The following METTL15 variants were observed in gnomAD, a reference collection of about 807,000 sequenced individuals.
The protein encoded by METTL15 is 12S rRNA N(4)-cytidine methyltransferase METTL15.
In METTL15, 34 loss-of-function variants were observed where a neutral mutation model predicts 38.3. That is an observed-to-expected ratio of 0.89 (90% CI 0.68 to 1.18). The LOEUF is 1.18. METTL15 is among the 50% of genes most tolerant of loss of function. The pLI, the probability that METTL15 is intolerant of heterozygous loss-of-function variation, is 0.00. For synonymous variants in METTL15, 162 were observed against 170.9 expected, an observed-to-expected ratio of 0.95 and a Z score of 0.41; for missense variants, 438 against 498.4, an observed-to-expected ratio of 0.88 and a Z score of 1.15.
chr11:28,140,101 G>T (rs1265821237), intron 3 of METTL15, among the ~76,000 whole-genome samples: 2 of 152,200 alleles, frequency 1.3e-5, no homozygotes, highest in Non-Finnish European at 2.9e-5. Context: ...GCCTCCGCTT[G>T]CCTTTCTGTT....
At chr11:28,351,109 T>A (rs1850037096) in intron 3 of METTL15, among the ~76,000 whole-genome samples, 1 of 17,882 alleles carries the variant, frequency 5.6e-5, no homozygotes, top group Non-Finnish European at 1.0e-4. Context: ...AGCTATGAAT[T>A]TAAAAAAAAT....
intron 5 of METTL15, among the ~76,000 whole-genome samples, chr11:28,402,565 G>T (rs1460147281): frequency 6.6e-6 from 1 of 151,750 alleles, no homozygotes; most frequent in Admixed American, 6.6e-5. Flanking sequence ...TCCCAAATAT[G>T]GCTCTTGCTT....
chr11:28,173,635 A>G (rs1850940987), intron 3 of METTL15, among the ~76,000 whole-genome samples: 1 of 152,212 alleles, frequency 6.6e-6, no homozygotes, highest in African/African-American at 2.4e-5. Context: ...CTGATACACA[A>G]TCATTAACTA....
At chr11:28,147,048 A>G (rs757037874) in intron 3 of METTL15, among the ~76,000 whole-genome samples, 32 of 152,066 alleles carry the variant, frequency 2.1e-4, no homozygotes, top group Middle Eastern at 6.8e-3. Flanking sequence ...GAGAGCAAGT[A>G]TGTTCTGGCA....
downstream of METTL15, chr11:28,333,617 C>T (rs970589087): frequency 6.6e-6 from 1 of 151,930 alleles, no homozygotes; most frequent in Non-Finnish European, 1.5e-5. Context: ...TTAATAACTA[C>T]AATTTTTAGA....
intron 4 of METTL15, among the ~76,000 whole-genome samples, chr11:28,255,535 G>A (rs920457893): frequency 2.6e-5 from 4 of 152,156 alleles, no homozygotes; most frequent in Non-Finnish European, 5.9e-5. Context: ...AGATCTTAGA[G>A]AAAAGGCTTT....
In METTL15 at chr11:28,296,230, G is replaced by C. The variant is rs143444910; in HGVS notation, c.600-523G>C. Among the ~76,000 whole-genome samples, 1,162 of 152,240 alleles carry C rather than the reference G, an allele frequency of 7.6e-3. 47 individuals carry two copies. Among genetic ancestry groups the C allele is most frequent in the Admixed American group, 0.057 (876 of 15,282 alleles). ...CCATTAAAGTTGTATGAGTTTTTGT[G>C]AGGGAAACTGATCAGCAGTATGTTT... On this transcript the variant is annotated intron_variant, in intron 5 of 6. Transcript: ENST00000407364.
At chr11:28,217,011 A>G (rs186041434) in intron 4 of METTL15, among the ~76,000 whole-genome samples, 178 of 152,046 alleles carry the variant, frequency 1.2e-3, no homozygotes, top group African/African-American at 2.4e-3. Context: ...GAATAGTGCC[A>G]CAATAAACAT....
chr11:28,176,426 C>T (rs1202613783), intron 3 of METTL15, among the ~76,000 whole-genome samples: 2 of 152,148 alleles, frequency 1.3e-5, no homozygotes, highest in Non-Finnish European at 2.9e-5. Context: ...AGAATCCTTG[C>T]CTTACGATTT....
chr11:28,430,485 G>A (rs1179255059), intron 6 of METTL15, among the ~76,000 whole-genome samples: 12 of 25,490 alleles, frequency 4.7e-4, no homozygotes, highest in Middle Eastern at 0.045. Context: ...CAGCCACCCC[G>A]TCCGGGAGGG....
chr11:28,393,787 A>C (rs1850538599), intron 5 of METTL15, among the ~76,000 whole-genome samples: 4 of 152,092 alleles, frequency 2.6e-5, no homozygotes, highest in Admixed American at 6.6e-5. Flanking sequence ...CTGTAGGAAG[A>C]GACTATATAC....
chr11:28,250,517 T>G (rs1221584667), intron 4 of METTL15, among the ~76,000 whole-genome samples: 2 of 152,016 alleles, frequency 1.3e-5, no homozygotes, highest in African/African-American at 4.8e-5. Context: ...TCTCTTCTTT[T>G]GAAAAATGTC....
chr11:28,484,801 A>G (rs917525862), intron 6 of METTL15, among the ~76,000 whole-genome samples: 11 of 152,156 alleles, frequency 7.2e-5, no homozygotes, highest in African/African-American at 2.4e-4. Context: ...ACTTGACTCC[A>G]GGACATCAAC....
In METTL15 at chr11:28,209,754, T is replaced by C. The variant is rs566590198; in HGVS notation, c.271-1308T>C. On this transcript the variant is annotated intron_variant, in intron 3 of 6. Transcript: ENST00000407364. ...GCCAAAAAATCAAAGCATAATTGCA[T>C]GCCCAATTTCTGACCACTGTCCCTG... is the stretch of plus-strand genomic sequence containing the variant. Among the ~76,000 whole-genome samples, 15 of 152,120 alleles carry C rather than the reference T, an allele frequency of 9.9e-5. No homozygotes were observed. The South Asian group carries it at 3.1e-3, about 31-fold the overall frequency.
At chr11:28,164,485 A>G (rs1850585974) in intron 3 of METTL15, among the ~76,000 whole-genome samples, 1 of 151,910 alleles carries the variant, frequency 6.6e-6, no homozygotes, top group South Asian at 2.1e-4. Flanking sequence ...GCCATACATG[A>G]TTTTCTTTCA....
intron 4 of METTL15, among the ~76,000 whole-genome samples, chr11:28,261,829 C>T (rs1158682892): frequency 6.6e-6 from 1 of 152,138 alleles, no homozygotes; most frequent in Non-Finnish European, 1.5e-5. Flanking sequence ...TTACTGACTG[C>T]ATACTATGTG....
At chr11:28,301,785 A>G (rs1489573436) in intron 6 of METTL15, among the ~76,000 whole-genome samples, 3 of 152,168 alleles carry the variant, frequency 2.0e-5, no homozygotes, top group Non-Finnish European at 4.4e-5. Flanking sequence ...GTATTGTTCT[A>G]GACTATAAAC....
At chr11:28,341,079 C>A (rs1184345752) in intron 3 of METTL15, among the ~76,000 whole-genome samples, 1 of 152,044 alleles carries the variant, frequency 6.6e-6, no homozygotes, top group African/African-American at 2.4e-5. Context: ...AACAGAAAAC[C>A]AAACACCACA....
At chr11:28,191,125 C>G (rs754803257) in intron 3 of METTL15, among the ~76,000 whole-genome samples, 3 of 151,296 alleles carry the variant, frequency 2.0e-5, no homozygotes, top group African/African-American at 7.3e-5. Context: ...TAGAATGGAA[C>G]TGGCATGAAT....
Sources: allele counts gnomAD v4.1 joint callset (sites outside exome capture counted in the v4.1 genomes callset), GRCh38; gene constraint gnomAD v4.1.1; transcripts MANE v1.5; gene names NCBI Gene and HGNC (gene_info 2026-07-23, HGNC 2026-07-21).